TBC1D22A: variants seen among roughly 807,000 people sequenced by gnomAD.
TBC1D22A encodes the protein putative GTPase activator.
A neutral mutation model predicts 60.2 loss-of-function variants in TBC1D22A; 38 were observed. That is an observed-to-expected ratio of 0.63 (90% CI 0.49 to 0.83). The LOEUF (loss-of-function observed/expected upper bound fraction) is 0.83, where lower values mean the gene tolerates loss of function less well. TBC1D22A is among the 40% of genes least tolerant of loss of function. The probability of loss-of-function intolerance (pLI) is 0.00; values close to 1 mark genes in which losing one functional copy is unlikely to be tolerated. For synonymous variants in TBC1D22A, 302 were observed against 281.7 expected (o/e 1.07, Z -0.72); for missense variants, 628 against 701.0 (o/e 0.90, Z 1.18).
intron 11 of TBC1D22A, among the ~76,000 whole-genome samples, chr22:47,072,586 G>A (rs1033374060): frequency 2.0e-5 from 3 of 152,190 alleles, no homozygotes; most frequent in Admixed American, 6.5e-5. Flanking sequence ...CATTTCCCAG[G>A]GCCACTGTTG....
intron 11 of TBC1D22A, among the ~76,000 whole-genome samples, chr22:47,086,489 AC>A (rs1321582006): frequency 1.3e-5 from 2 of 151,922 alleles, no homozygotes; most frequent in African/African-American, 2.4e-5. Flanking sequence ...CTAAAAACAA[AC>A]CGTAGCCTTA....
chr22:47,081,120 C>CAAAAA (rs34794967), intron 11 of TBC1D22A, among the ~76,000 whole-genome samples: 6 of 83,748 alleles, frequency 7.2e-5, no homozygotes, highest in African/African-American at 2.4e-4. Flanking sequence ...AACTCCGTCT[C>CAAAAA]AAAAAAAAAA....
intron 12 of TBC1D22A, among the ~76,000 whole-genome samples, chr22:47,150,158 G>A (rs1228142800): frequency 2.6e-5 from 4 of 151,834 alleles, no homozygotes; most frequent in Non-Finnish European, 5.9e-5. Flanking sequence ...CGCGGCACGG[G>A]GCACAGTCAC....
intron 4 of TBC1D22A, among the ~76,000 whole-genome samples, chr22:46,813,654 A>G (rs2085474091): frequency 6.6e-6 from 1 of 152,216 alleles, no homozygotes; most frequent in Non-Finnish European, 1.5e-5. Flanking sequence ...AGGGAGGGTT[A>G]GGGCCCTTAA....
intron 8 of TBC1D22A, among the ~76,000 whole-genome samples, chr22:46,916,297 G>A (rs1395520612): frequency 6.6e-6 from 1 of 152,180 alleles, no homozygotes; most frequent in East Asian, 1.9e-4. Context: ...TTTGTAGTGG[G>A]GGAGCAATGC....
At chr22:46,958,647 C>G (rs2073338741) in intron 8 of TBC1D22A, among the ~76,000 whole-genome samples, 1 of 152,236 alleles carries the variant, frequency 6.6e-6, no homozygotes, top group South Asian at 2.1e-4. Flanking sequence ...CAGGGCGTCT[C>G]TAGCCCTGTG....
At chr22:47,082,157 C>T (rs2064494739) in intron 11 of TBC1D22A, among the ~76,000 whole-genome samples, 1 of 151,150 alleles carries the variant, frequency 6.6e-6, no homozygotes, top group African/African-American at 2.4e-5. Context: ...GGCTCCATCT[C>T]AAAAATAAAA....
At position 47,103,364 on chromosome 22, in the gene TBC1D22A, G is replaced by A. The variant is rs188417274; in HGVS notation, c.1330-8144G>A. On this transcript the variant is annotated intron_variant, in intron 11 of 12. Coordinates refer to ENST00000337137, the MANE Select transcript of TBC1D22A (RefSeq NM_014346.5). ...GACAGCCCACTGCCTGGGAGAAAGG[G>A]GGAAGATCCTGAAGAATGAATGGGT... Among the ~76,000 whole-genome samples the A allele has an allele frequency of 7.3e-3, 1,119 of 152,292 alleles. 12 individuals carry two copies. Among genetic ancestry groups the A allele is most frequent in the African/African-American group, 0.026 (1,070 of 41,556 alleles).
intron 7 of TBC1D22A, 77 bp downstream of exon 7, chr22:46,894,923 C>A: frequency 1.3e-6 from 2 of 1,532,162 alleles, no homozygotes; most frequent in Non-Finnish European, 1.8e-6. Context: ...ACAGTGGGCG[C>A]AGCCGGAGGT....
chr22:47,082,038 G>C (rs1211041953), intron 11 of TBC1D22A, among the ~76,000 whole-genome samples: 1 of 152,054 alleles, frequency 6.6e-6, no homozygotes, highest in Non-Finnish European at 1.5e-5. Flanking sequence ...CATGCCTGTA[G>C]TCCCAGCTGC....
intron 5 of TBC1D22A, among the ~76,000 whole-genome samples, chr22:46,883,581 G>GTATTTCT (rs2067958721): frequency 6.6e-6 from 1 of 152,150 alleles, no homozygotes; most frequent in East Asian, 1.9e-4. Flanking sequence ...TTACATTTTG[G>GTATTTCT]GGAGTGGGAA....
At chr22:47,057,961 G>A (rs1261629992) in intron 11 of TBC1D22A, among the ~76,000 whole-genome samples, 3 of 152,180 alleles carry the variant, frequency 2.0e-5, no homozygotes, top group Non-Finnish European at 2.9e-5. Flanking sequence ...TTGTGGTCAG[G>A]CAGGCCCCAC....
At chr22:47,156,245 A>G (rs1280788658) in intron 12 of TBC1D22A, among the ~76,000 whole-genome samples, 8 of 152,228 alleles carry the variant, frequency 5.3e-5, no homozygotes, top group Admixed American at 5.2e-4. Context: ...ATCTGACAGC[A>G]GTTCAGGCTC....
At chr22:46,886,049 A>C (rs1029387899) in intron 5 of TBC1D22A, among the ~76,000 whole-genome samples, 1 of 151,438 alleles carries the variant, frequency 6.6e-6, no homozygotes, top group Non-Finnish European at 1.5e-5. Flanking sequence ...CTGGGACTAC[A>C]GGCGCCTGCC....
chr22:47,151,296 G>T (rs745949949), intron 12 of TBC1D22A, among the ~76,000 whole-genome samples: 1 of 152,186 alleles, frequency 6.6e-6, no homozygotes, highest in African/African-American at 2.4e-5. Context: ...GCAGGCCAGC[G>T]GCTTCCCGGC....
intron 12 of TBC1D22A, among the ~76,000 whole-genome samples, chr22:47,141,191 G>A (rs560097318): frequency 2.0e-5 from 3 of 152,178 alleles, no homozygotes; most frequent in South Asian, 4.2e-4. Flanking sequence ...TTACTGTCAC[G>A]GGGACAGCCT....
intron 12 of TBC1D22A, among the ~76,000 whole-genome samples, chr22:47,132,356 C>T (rs1261660574): frequency 6.6e-6 from 1 of 152,236 alleles, no homozygotes; most frequent in African/African-American, 2.4e-5. Context: ...TTCCGATCCA[C>T]CTTCCAGAAT....
At chr22:46,831,333 GT>G (rs1191812699) in intron 4 of TBC1D22A, among the ~76,000 whole-genome samples, 1 of 151,956 alleles carries the variant, frequency 6.6e-6, no homozygotes, top group African/African-American at 2.4e-5. Context: ...CCACTGTTTC[GT>G]TTAACGGTTG....
In TBC1D22A at chr22:46,993,225, T is replaced by G. The variant is rs184179286; in HGVS notation, c.1126-4409T>G. ...TTTCTTCCAAAAAGTGCAGAAAGTG[T>G]TATTTGTTATCGGGAAGAGTGTGAT... is the stretch of plus-strand genomic sequence containing the variant. On this transcript the variant is annotated intron_variant, in intron 9 of 12. Coordinates refer to ENST00000337137, the MANE Select transcript of TBC1D22A (RefSeq NM_014346.5). Among the ~76,000 whole-genome samples, 215 of 152,322 alleles carry G rather than the reference T, an allele frequency of 1.4e-3. 2 individuals carry two copies. Among genetic ancestry groups the G allele is most frequent in the African/African-American group, 5.1e-3 (210 of 41,566 alleles).
Sources: gnomAD v4.1 joint callset for allele counts (sites outside exome capture counted in the v4.1 genomes callset) on GRCh38, gnomAD v4.1.1 for gene constraint, MANE v1.5 for transcripts, NCBI Gene and HGNC (gene_info 2026-07-23, HGNC 2026-07-21) for gene names.